Variants in NRDC observed in about 807,000 individuals in gnomAD.
The protein encoded by NRDC is nardilysin.
Under a neutral mutation model 147.1 loss-of-function variants are expected in NRDC, and 54 were observed. The observed-to-expected ratio is 0.37, with a 90% CI of 0.29 to 0.46. The LOEUF is 0.46. NRDC is among the 20% of genes least tolerant of loss of function. The pLI is 1.00. For missense variants in NRDC, 1,082 were observed against 1,370.6 expected (o/e 0.79, Z 3.33); for synonymous variants, 440 against 482.1 (o/e 0.91, Z 1.14).
At chr1:51,835,352 C>T (rs1027024409) in intron 3 of NRDC, among the ~76,000 whole-genome samples, 7 of 151,840 alleles carry the variant, frequency 4.6e-5, no homozygotes, top group South Asian at 2.1e-4. Flanking sequence ...TGAGCCACCG[C>T]GCCCGGCCCC....
At chr1:51,792,550 A>G (rs1678706241) in intron 24 of NRDC, 126 bp from the exon 25 acceptor site, 3 of 795,714 alleles carry the variant, frequency 3.8e-6, no homozygotes, top group Admixed American at 4.1e-5. Flanking sequence ...AGAGTTAATC[A>G]TACTTTGATG....
intron 22 of NRDC, chr1:51,795,307 G>A: frequency 1.1e-6 from 1 of 895,966 alleles, no homozygotes; most frequent in Non-Finnish European, 1.5e-6. Context: ...AGGGATAAAT[G>A]GAGGGATTAG....
chr1:51,857,200 C>T (rs1196357580), intron 1 of NRDC, among the ~76,000 whole-genome samples: 1 of 152,164 alleles, frequency 6.6e-6, no homozygotes, highest in Non-Finnish European at 1.5e-5. Flanking sequence ...ATAAACAGAT[C>T]GTAACCTACT....
intron 20 of NRDC, among the ~76,000 whole-genome samples, chr1:51,803,362 C>G (rs1457103929): frequency 6.6e-6 from 1 of 151,872 alleles, no homozygotes; most frequent in East Asian, 1.9e-4. Context: ...GTAGTCCCAG[C>G]TACTCAGCAG....
chr1:51,824,715 G>A (rs999027688), intron 6 of NRDC, among the ~76,000 whole-genome samples: 1 of 152,166 alleles, frequency 6.6e-6, no homozygotes, highest in African/African-American at 2.4e-5. Context: ...TTGACAAATG[G>A]AAATGTCAGG....
chr1:51,828,118 G>A (rs1265269851), intron 4 of NRDC, among the ~76,000 whole-genome samples: 3 of 152,150 alleles, frequency 2.0e-5, no homozygotes, highest in Non-Finnish European at 4.4e-5. Context: ...AACTACACCT[G>A]AGTGGCCCAC....
intron 18 of NRDC, 129 bp downstream of exon 18, chr1:51,806,665 G>A: frequency 4.6e-6 from 4 of 860,680 alleles, no homozygotes; most frequent in Non-Finnish European, 5.4e-6. Flanking sequence ...GTGGCTGATA[G>A]AGGCACCCAG....
At chr1:51,877,880 A>C in intron 1 of NRDC, 1 of 346,238 alleles carries the variant, frequency 2.9e-6, no homozygotes, top group Non-Finnish European at 4.2e-6. Context: ...TCCCTCAAAT[A>C]TTTTGGATAG....
At position 51,789,445 on chromosome 1, in the gene NRDC, CAA is replaced by C; in HGVS notation, c.3259-14_3259-13del. ...CCATATCCAACAACCTGAAAGAGGA[CAA>C]AGACAAAAGTGAAAAATATGCTGAC... On this transcript the variant is annotated splice_polypyrimidine_tract_variant and intron_variant, in intron 30 of 30. Coordinates refer to ENST00000352171, the MANE Select transcript of NRDC (RefSeq NM_001101662.2). 6.2e-7 allele frequency: 1 copy of C among 1,613,594 alleles called. No individual in the cohort carries two copies. The highest frequency in any genetic ancestry group is 8.5e-7 in the Non-Finnish European group (1 of 1,179,626).
intron 3 of NRDC, among the ~76,000 whole-genome samples, chr1:51,835,886 TA>T (rs1680946322): frequency 1.3e-5 from 2 of 152,358 alleles, no homozygotes; most frequent in Middle Eastern, 3.4e-3. Context: ...GGCCTTAACA[TA>T]GCTCAACAAT....
chr1:51,801,762 T>TC lies in NRDC; in HGVS notation c.2314-1080dup, dbSNP rs1679214628. On this transcript the variant is annotated intron_variant, in intron 20 of 30. Coordinates refer to ENST00000352171, the MANE Select transcript of NRDC (RefSeq NM_001101662.2). ...CATCATTTTATCAGTTAATGTAATGTCCGCTGATAGTTCTTTACTTGAGGT... is the reference window on the plus strand; with the variant it reads ...CATCATTTTATCAGTTAATGTAATGTCCCGCTGATAGTTCTTTACTTGAGGT... 7.2e-5 allele frequency among the ~76,000 whole-genome samples: 11 copies of TC among 152,276 alleles called. No individual in the cohort carries two copies. In the South Asian group the frequency reaches 2.3e-3, roughly 32 times the overall value.
intron 5 of NRDC, among the ~76,000 whole-genome samples, chr1:51,827,467 G>A (rs1680496513): frequency 6.6e-6 from 1 of 152,182 alleles, no homozygotes; most frequent in Non-Finnish European, 1.5e-5. Flanking sequence ...AATATTTATA[G>A]CACAGATCTA....
intron 1 of NRDC, among the ~76,000 whole-genome samples, chr1:51,871,367 T>C (rs1538881): frequency 0.51 from 77,518 of 151,370 alleles, 21,115 homozygotes; most frequent in East Asian, 0.94. Flanking sequence ...TACAACCTGG[T>C]TTCTGCCTCC....
intron 1 of NRDC, among the ~76,000 whole-genome samples, chr1:51,864,429 T>C (rs1454690237): frequency 6.6e-6 from 1 of 152,230 alleles, no homozygotes; most frequent in Non-Finnish European, 1.5e-5. Flanking sequence ...AAACATACTA[T>C]ATTTTGAACT....
At chr1:51,789,822 C>T (rs1182654091) in intron 29 of NRDC, 165 bp from the exon 30 acceptor site, 9 of 606,716 alleles carry the variant, frequency 1.5e-5, no homozygotes, top group Admixed American at 1.2e-4. Context: ...GATGATGAAG[C>T]TCTCTGGCAT....
At position 51,810,370 on chromosome 1, in the gene NRDC, T is replaced by A. The variant is rs762722640; in HGVS notation, c.1814A>T (p.Gln605Leu). Residue 605 changes from glutamine to leucine, a missense_variant, in exon 16 of 31, where the codon CAA becomes CTA. Around this residue, in one of 3 missense-constraint regions of NRDC, gnomAD observed 635 missense variants for 923.8 expected, o/e 0.69. Transcript: ENST00000352171. Reference protein sequence around the residue: ...IGEALNQLVPQKANLVLLSGA... With the variant: ...IGEALNQLVPLKANLVLLSGA... The stretch of plus-strand genomic sequence containing the variant: ...AGACAGTAAAACAAGATTTGCTTTT[T>A]GAGGAACTAGCTGATTCAAGGCTTC... The A allele has an allele frequency of 1.1e-5, 17 of 1,612,690 alleles. No individual in the cohort carries two copies. The highest frequency in any genetic ancestry group is 1.4e-5 in the Non-Finnish European group (16 of 1,179,198).
At chr1:51,842,504 A>C (rs943358046) in intron 1 of NRDC, among the ~76,000 whole-genome samples, 1 of 152,338 alleles carries the variant, frequency 6.6e-6, no homozygotes, top group African/African-American at 2.4e-5. Context: ...ATCCAAGTCT[A>C]CTGACAGCAG....
chr1:51,860,415 CTA>C (rs1682471603), intron 1 of NRDC, among the ~76,000 whole-genome samples: 1 of 152,204 alleles, frequency 6.6e-6, no homozygotes, highest in South Asian at 2.1e-4. Flanking sequence ...AGACTTATGT[CTA>C]TCATTCACAC....
intron 1 of NRDC, chr1:51,877,912 T>A (rs1683412875): frequency 1.5e-6 from 1 of 646,908 alleles, no homozygotes; most frequent in Non-Finnish European, 2.0e-6. Context: ...CCCTTAAATA[T>A]CCTGTCCTCC....
Sources: gnomAD v4.1 joint callset for allele counts (sites outside exome capture counted in the v4.1 genomes callset) on GRCh38, gnomAD v4.1.1 for gene constraint, gnomAD v4.1.1 regional missense constraint, MANE v1.5 for transcripts, NCBI Gene and HGNC (gene_info 2026-07-23, HGNC 2026-07-21) for gene names.